The following NIPAL2 variants were observed in gnomAD, a reference collection of about 807,000 sequenced individuals.
The protein encoded by NIPAL2 is NIPA-like protein 2.
In NIPAL2, 43 loss-of-function variants were observed where a neutral mutation model predicts 48.9. The ratio of observed to expected loss-of-function variants is 0.88; its 90% CI spans 0.69 to 1.13. NIPAL2 has a LOEUF of 1.13. Ranked by LOEUF, NIPAL2 falls within the 50% of genes most tolerant of loss-of-function variation. The pLI is 0.00. For missense variants in NIPAL2, 446 were observed against 461.4 expected (o/e 0.97, Z 0.31); for synonymous variants, 167 against 174.6 (o/e 0.96, Z 0.34).
intron 1 of NIPAL2, among the ~76,000 whole-genome samples, chr8:98,283,367 A>G (rs1815965513): frequency 6.6e-6 from 1 of 152,188 alleles, no homozygotes; most frequent in Admixed American, 6.5e-5. Flanking sequence ...GAGAGCAACA[A>G]TAGTCAAGAA....
chr8:98,275,836 ATCTT>A (rs1815426277), intron 1 of NIPAL2, among the ~76,000 whole-genome samples: 2 of 152,284 alleles, frequency 1.3e-5, no homozygotes, highest in African/African-American at 4.8e-5. Context: ...TTTAACTACA[ATCTT>A]TCTTCTGTCC....
rs762859660 is a variant in NIPAL2, at chr8:98,236,163, T to C, written c.428A>G (p.Asp143Gly). 48 of 1,596,068 alleles carry C rather than the reference T, an allele frequency of 3.0e-5. No individual in the cohort carries two copies. The highest frequency in any genetic ancestry group is 4.1e-5 in the Non-Finnish European group (48 of 1,166,998). The part of the protein sequence containing the change: ...TFLKDNLRAS[D>G]LLGTTLAFAG... ...ATTAAATAATTACTTACCGAGTAAG[T>C]CTGAGGCTCTCAAATTGTCTTTCAG... is the stretch of plus-strand genomic sequence containing the variant. Residue 143 changes from aspartate to glycine, a missense_variant, in exon 4 of 11, where the codon GAC becomes GGC. Transcript: ENST00000430223.
intron 1 of NIPAL2, among the ~76,000 whole-genome samples, chr8:98,280,761 T>TATATAGAGAGAGAGAGAGAGAGAGAG: frequency 3.0e-4 from 9 of 30,020 alleles, no homozygotes; most frequent in Admixed American, 4.5e-4. Context: ...TATATATATA[T>TATATAGAGAGAGAGAGAGAGAGAGAG]AGAGAGAGAG....
chr8:98,278,830 G>A (rs1265207579), intron 1 of NIPAL2, among the ~76,000 whole-genome samples: 4 of 152,182 alleles, frequency 2.6e-5, no homozygotes, highest in African/African-American at 9.6e-5. Flanking sequence ...GGATCTCAGT[G>A]AGTAACTATT....
intron 1 of NIPAL2, among the ~76,000 whole-genome samples, chr8:98,256,008 A>G (rs2130837407): frequency 6.6e-6 from 1 of 152,244 alleles, no homozygotes; most frequent in African/African-American, 2.4e-5. Flanking sequence ...TACTTCATCA[A>G]GATTAAAAAC....
chr8:98,212,583 G>A (rs1001083011), intron 5 of NIPAL2, 82 bp from the exon 6 acceptor site: 1 of 739,376 alleles, frequency 1.4e-6, no homozygotes, highest in Admixed American at 2.2e-5. Flanking sequence ...TGATTTTGCA[G>A]CAATTCTCAT....
chr8:98,199,172 T>C (rs964366272), intron 8 of NIPAL2, among the ~76,000 whole-genome samples: 1 of 152,086 alleles, frequency 6.6e-6, no homozygotes, highest in Non-Finnish European at 1.5e-5. Context: ...GTCAGGCTGG[T>C]CTCGAACTCC....
intron 4 of NIPAL2, among the ~76,000 whole-genome samples, chr8:98,230,354 T>C (rs758308008): frequency 6.6e-6 from 1 of 152,178 alleles, no homozygotes; most frequent in Non-Finnish European, 1.5e-5. Context: ...AAGAGCACTC[T>C]CAAACTGGTG....
intron 1 of NIPAL2, among the ~76,000 whole-genome samples, chr8:98,265,516 A>C (rs1226870106): frequency 8.2e-6 from 1 of 122,164 alleles, no homozygotes; most frequent in Non-Finnish European, 1.7e-5. Flanking sequence ...GTGTAGCCAA[A>C]AAACACATGA....
intron 8 of NIPAL2, 43 bp from the exon 9 acceptor site, chr8:98,196,048 G>T (rs1024083550): frequency 1.2e-5 from 15 of 1,205,054 alleles, no homozygotes; most frequent in Non-Finnish European, 1.7e-5. Flanking sequence ...TTGAAGTAAG[G>T]TTATTTATAA....
intron 1 of NIPAL2, among the ~76,000 whole-genome samples, chr8:98,289,122 C>G (rs767016006): frequency 6.6e-6 from 1 of 152,006 alleles, no homozygotes; most frequent in African/African-American, 2.4e-5. Flanking sequence ...ACCCTAAATA[C>G]TATAGTAAAT....
intron 1 of NIPAL2, among the ~76,000 whole-genome samples, chr8:98,263,442 G>A (rs1039565575): frequency 7.3e-5 from 11 of 149,740 alleles, no homozygotes; most frequent in African/African-American, 2.4e-4. Flanking sequence ...AATGATAAAG[G>A]GGATATCACC....
At chr8:98,205,589 G>A (rs928007422) in intron 6 of NIPAL2, among the ~76,000 whole-genome samples, 1 of 152,030 alleles carries the variant, frequency 6.6e-6, no homozygotes, top group South Asian at 2.1e-4. Flanking sequence ...AACAATGGAG[G>A]GAGGAGATAA....
At chr8:98,249,689 C>A (rs1813487916) in intron 3 of NIPAL2, among the ~76,000 whole-genome samples, 1 of 144,276 alleles carries the variant, frequency 6.9e-6, no homozygotes, top group Non-Finnish European at 1.5e-5. Flanking sequence ...TAAAGATAAT[C>A]AATATAATTA....
In NIPAL2 at chr8:98,204,602, C is replaced by T. The variant is rs139535800; in HGVS notation, c.791+509G>A. Among the ~76,000 whole-genome samples the T allele has an allele frequency of 2.3e-3, 343 of 152,040 alleles. 1 individual carries two copies. Among genetic ancestry groups the T allele is most frequent in the Non-Finnish European group, 3.5e-3 (238 of 67,982 alleles). On this transcript the variant is annotated intron_variant, in intron 7 of 10. Coordinates refer to ENST00000430223, the MANE Select transcript of NIPAL2 (RefSeq NM_001321635.2). ...CAAGAGAAACATAAAACAATCATTC[C>T]GCAATCCCATGGATACAAAGGAAAT...
intron 7 of NIPAL2, among the ~76,000 whole-genome samples, chr8:98,203,771 C>G (rs903804229): frequency 6.6e-6 from 1 of 151,892 alleles, no homozygotes; most frequent in Non-Finnish European, 1.5e-5. Context: ...GCACTATCAC[C>G]AGGGTGCTTT....
At chr8:98,265,366 T>G (rs1277387432) in intron 1 of NIPAL2, among the ~76,000 whole-genome samples, 3 of 139,036 alleles carry the variant, frequency 2.2e-5, no homozygotes, top group East Asian at 4.2e-4. Context: ...GGGAGAAAAT[T>G]TTCGCAACCT....
intron 1 of NIPAL2, among the ~76,000 whole-genome samples, chr8:98,284,219 C>T (rs1374670210): frequency 6.6e-6 from 1 of 152,160 alleles, no homozygotes; most frequent in Non-Finnish European, 1.5e-5. Context: ...CATTGTGACT[C>T]CAGCGGCCAT....
intron 7 of NIPAL2, 40 bp downstream of exon 7, chr8:98,205,071 G>T: frequency 6.2e-7 from 1 of 1,602,898 alleles, no homozygotes. Flanking sequence ...AGAAGCACCG[G>T]AATGTTGAAA....
Sources: allele counts gnomAD v4.1 joint callset (sites outside exome capture counted in the v4.1 genomes callset), GRCh38; gene constraint gnomAD v4.1.1; transcripts MANE v1.5; gene names NCBI Gene and HGNC (gene_info 2026-07-23, HGNC 2026-07-21).